Variants in SMARCC1 observed in about 807,000 individuals in gnomAD.
The protein encoded by SMARCC1 is SWI/SNF complex subunit SMARCC1.
A neutral mutation model predicts 147.4 loss-of-function variants in SMARCC1; 43 were observed. That is an observed-to-expected ratio of 0.29 (90% CI 0.23 to 0.38). The LOEUF is 0.38. SMARCC1 is among the 10% of genes least tolerant of loss of function. SMARCC1 has a pLI of 1.00. For synonymous variants in SMARCC1, 495 were observed against 484.4 expected (o/e 1.02, Z -0.29); for missense variants, 1,119 against 1,381.1 (o/e 0.81, Z 3.01).
intron 3 of SMARCC1, among the ~76,000 whole-genome samples, chr3:47,741,899 A>G (rs903786491): frequency 9.2e-5 from 14 of 151,456 alleles, no homozygotes; most frequent in Non-Finnish European, 1.5e-4. Context: ...GATGTTTGCC[A>G]CCCTTTTGGG....
intron 25 of SMARCC1, among the ~76,000 whole-genome samples, chr3:47,618,713 G>A (rs2032684071): frequency 6.6e-6 from 1 of 152,164 alleles, no homozygotes; most frequent in Non-Finnish European, 1.5e-5. Context: ...GAAAGGGGAT[G>A]CGAACTCTGC....
chr3:47,739,520 C>CAAAG (rs1397476321), intron 3 of SMARCC1, among the ~76,000 whole-genome samples: 1 of 151,938 alleles, frequency 6.6e-6, no homozygotes, highest in Admixed American at 6.6e-5. Context: ...TTTGTAAAGC[C>CAAAG]AAAGGTCTCA....
intron 25 of SMARCC1, among the ~76,000 whole-genome samples, chr3:47,611,681 G>A (rs1396663201): frequency 6.6e-6 from 1 of 152,188 alleles, no homozygotes; most frequent in African/African-American, 2.4e-5. Context: ...GATGGAATAA[G>A]CATGAGAATT....
intron 10 of SMARCC1, among the ~76,000 whole-genome samples, chr3:47,702,576 C>T (rs976893893): frequency 2.0e-5 from 3 of 152,132 alleles, no homozygotes; most frequent in Non-Finnish European, 1.5e-5. Context: ...GGAAACAGGG[C>T]GAGACCCCAT....
chr3:47,694,134 A>C (rs894861154), intron 11 of SMARCC1, among the ~76,000 whole-genome samples: 1 of 152,152 alleles, frequency 6.6e-6, no homozygotes, highest in African/African-American at 2.4e-5. Flanking sequence ...CACTGTGTCC[A>C]TAGGTGGACT....
chr3:47,615,753 G>A (rs192891674), intron 25 of SMARCC1, among the ~76,000 whole-genome samples: 5 of 152,014 alleles, frequency 3.3e-5, no homozygotes, highest in East Asian at 3.9e-4. Context: ...GCGCCATCAC[G>A]GCTCACTGCA....
At chr3:47,722,097 AG>A (rs2034239556) in intron 6 of SMARCC1, among the ~76,000 whole-genome samples, 1 of 151,854 alleles carries the variant, frequency 6.6e-6, no homozygotes, top group Admixed American at 6.6e-5. Flanking sequence ...AAAAAAGAAA[AG>A]GGGCCAGAGG....
At chr3:47,651,177 C>T (rs1320533818) in intron 21 of SMARCC1, among the ~76,000 whole-genome samples, 1 of 151,988 alleles carries the variant, frequency 6.6e-6, no homozygotes, top group Non-Finnish European at 1.5e-5. Flanking sequence ...GGTGATGCAC[C>T]CCTGTGGTCC....
At chr3:47,706,905 C>A (rs1456684795) in intron 9 of SMARCC1, among the ~76,000 whole-genome samples, 1 of 152,112 alleles carries the variant, frequency 6.6e-6, no homozygotes, top group African/African-American at 2.4e-5. Flanking sequence ...AAAGACAGGC[C>A]AAACGATCCT....
rs965817645 is a variant in SMARCC1, at chr3:47,595,225, AT to A, written c.3044-4389del. 3.3e-5 allele frequency among the ~76,000 whole-genome samples: 5 copies of A among 152,108 alleles called. No homozygotes were observed. The South Asian group carries it at 6.2e-4, about 19-fold the overall frequency. On this transcript the variant is annotated intron_variant, in intron 26 of 27. Transcript: ENST00000254480. Reference sequence around the variant, plus strand: ...AAAGTTTGTGTACGGGTTAAAAAAAATTTTTTTTAAACACATGGCCAAGCGG... The same window carrying A: ...AAAGTTTGTGTACGGGTTAAAAAAAATTTTTTTAAACACATGGCCAAGCGG...
chr3:47,636,788 ATGTGTGTG>A (rs35445330), intron 22 of SMARCC1, among the ~76,000 whole-genome samples: 2,179 of 80,578 alleles, frequency 0.027, 23 homozygotes, highest in South Asian at 0.047. Context: ...AAATATATAT[ATGTGTGTG>A]TGTGTGTGTG....
rs1184810214 is a variant in SMARCC1 at position 47,781,811 on chromosome 3, C to A, written c.-14G>T. 5.0e-6 allele frequency: 7 copies of A among 1,409,246 alleles called. No individual in the cohort carries two copies. Among genetic ancestry groups the A allele is most frequent in the African/African-American group, 3.0e-5 (2 of 66,090 alleles). The allele number at this position is 1,409,246 out of a possible 1,614,324, so 87.3% of individuals were successfully genotyped here. On this transcript the variant is annotated 5_prime_UTR_variant, in exon 1 of 28. Coordinates refer to ENST00000254480, the MANE Select transcript of SMARCC1 (RefSeq NM_003074.4). ...CGCTGCGGCCATCGTCGCAGCCCGTCGTCCCCACAGCCTGGCCCACCCCGG... is the reference window on the plus strand; with the variant it reads ...CGCTGCGGCCATCGTCGCAGCCCGTAGTCCCCACAGCCTGGCCCACCCCGG...
intron 18 of SMARCC1, among the ~76,000 whole-genome samples, chr3:47,672,033 C>T (rs369309975): frequency 6.6e-6 from 1 of 152,168 alleles, no homozygotes; most frequent in Admixed American, 6.5e-5. Flanking sequence ...TTCTGACATA[C>T]GCTGTTCACT....
intron 19 of SMARCC1, among the ~76,000 whole-genome samples, chr3:47,666,745 G>A (rs1314575664): frequency 2.6e-5 from 4 of 151,860 alleles, no homozygotes; most frequent in African/African-American, 9.7e-5. Flanking sequence ...TTTTTTTTAA[G>A]CTCATCAGCT....
At chr3:47,695,545 TC>T (rs2033838074) in intron 11 of SMARCC1, among the ~76,000 whole-genome samples, 1 of 151,966 alleles carries the variant, frequency 6.6e-6, no homozygotes, top group African/African-American at 2.4e-5. Flanking sequence ...GGCAGGCAGA[TC>T]ACCTAAGGTC....
At chr3:47,610,544 A>G (rs2032550360) in intron 25 of SMARCC1, 2 of 583,208 alleles carry the variant, frequency 3.4e-6, no homozygotes, top group Non-Finnish European at 6.1e-6. Context: ...AGTCTTCTCC[A>G]TGTTGAGTCT....
intron 2 of SMARCC1, among the ~76,000 whole-genome samples, chr3:47,762,910 C>T (rs889407936): frequency 7.9e-5 from 12 of 151,854 alleles, no homozygotes; most frequent in Admixed American, 2.6e-4. Context: ...ACTAAAAATA[C>T]AAAAAATTAG....
intron 21 of SMARCC1, among the ~76,000 whole-genome samples, chr3:47,653,839 G>A (rs1035352119): frequency 6.6e-6 from 1 of 152,136 alleles, no homozygotes; most frequent in African/African-American, 2.4e-5. Context: ...AGTTAACTGG[G>A]AGGCTACTTC....
At chr3:47,776,763 G>A (rs1056604072) in intron 1 of SMARCC1, among the ~76,000 whole-genome samples, 1 of 151,450 alleles carries the variant, frequency 6.6e-6, no homozygotes, top group African/African-American at 2.4e-5. Context: ...ATATATAGAT[G>A]TAAATATATA....
Sources: gnomAD v4.1 joint callset for allele counts (sites outside exome capture counted in the v4.1 genomes callset) on GRCh38, gnomAD v4.1.1 for gene constraint, MANE v1.5 for transcripts, NCBI Gene and HGNC (gene_info 2026-07-23, HGNC 2026-07-21) for gene names.